RAVER2: variants seen among roughly 807,000 people sequenced by gnomAD.
RAVER2 encodes the protein ribonucleoprotein, PTB binding 2, also known as ribonucleoprotein PTB-binding 2.
A neutral mutation model predicts 78.1 loss-of-function variants in RAVER2; 46 were observed. The observed-to-expected ratio is 0.59, with a 90% CI of 0.46 to 0.75. The LOEUF (loss-of-function observed/expected upper bound fraction) is 0.75, where lower values mean the gene tolerates loss of function less well. Among genes scored for constraint, RAVER2 ranks in the 30% least tolerant of loss-of-function variants. The pLI, the probability that RAVER2 is intolerant of heterozygous loss-of-function variation, is 0.00. For missense variants in RAVER2, 793 were observed against 837.5 expected (o/e 0.95, Z 0.66); for synonymous variants, 311 against 313.3 (o/e 0.99, Z 0.08).
At chr1:64,827,677 C>T (rs926628993) in intron 11 of RAVER2, among the ~76,000 whole-genome samples, 2 of 152,228 alleles carry the variant, frequency 1.3e-5, no homozygotes, top group Non-Finnish European at 2.9e-5. Context: ...TCTAAATATA[C>T]CACTTTGTTC....
intron 11 of RAVER2, among the ~76,000 whole-genome samples, chr1:64,824,449 G>T (rs1371284190): frequency 3.9e-5 from 6 of 152,298 alleles, no homozygotes; most frequent in African/African-American, 1.4e-4. Flanking sequence ...TTTTTGTATG[G>T]ACCGTGATAG....
At chr1:64,818,332 C>T (rs949323344) in intron 11 of RAVER2, among the ~76,000 whole-genome samples, 1 of 152,040 alleles carries the variant, frequency 6.6e-6, no homozygotes, top group Non-Finnish European at 1.5e-5. Flanking sequence ...GTCAGGAGAT[C>T]GAGACCATCC....
chr1:64,750,103 A>C (rs920246435), intron 1 of RAVER2, among the ~76,000 whole-genome samples: 1 of 152,138 alleles, frequency 6.6e-6, no homozygotes, highest in Non-Finnish European at 1.5e-5. Context: ...GTCACTTTGG[A>C]TATTATAAAC....
At chr1:64,768,613 T>A (rs748532735) in intron 1 of RAVER2, 43 bp from the exon 2 acceptor site, 2 of 1,233,130 alleles carry the variant, frequency 1.6e-6, no homozygotes, top group South Asian at 2.5e-5. Context: ...ATCTAGTAAC[T>A]GCATTTGTAT....
intron 11 of RAVER2, among the ~76,000 whole-genome samples, chr1:64,828,413 T>C (rs1272869113): frequency 6.6e-6 from 1 of 152,150 alleles, no homozygotes; most frequent in Non-Finnish European, 1.5e-5. Flanking sequence ...AAATACAAAA[T>C]AGAAGGAAAA....
chr1:64,814,797 A>T, exon 11 of RAVER2: 1 of 1,588,938 alleles, frequency 6.3e-7, no homozygotes, highest in Non-Finnish European at 8.6e-7. Context: ...CACGCATTGG[A>T]AAAGTGCATT....
rs185002775 is a variant in RAVER2, at chr1:64,752,054, A to T, written c.249+6633A>T. On this transcript the variant is annotated intron_variant, in intron 1 of 11. Transcript: ENST00000294428. Reference sequence around the variant, plus strand: ...TACAGTACTGTATATTTTTTGGCTGATGATTATGGGCAGGATAGCCCTTGG... The same window carrying T: ...TACAGTACTGTATATTTTTTGGCTGTTGATTATGGGCAGGATAGCCCTTGG... 9.9e-5 allele frequency among the ~76,000 whole-genome samples: 15 copies of T among 152,234 alleles called. No individual in the cohort carries two copies. In the East Asian group the frequency reaches 2.9e-3, roughly 29 times the overall value.
intron 11 of RAVER2, among the ~76,000 whole-genome samples, chr1:64,826,612 T>G (rs187700119): frequency 5.9e-5 from 9 of 152,288 alleles, no homozygotes; most frequent in Non-Finnish European, 1.0e-4. Flanking sequence ...TTTTAGGCCC[T>G]TGTAAGGACT....
chr1:64,826,070 A>C (rs1653996971), intron 11 of RAVER2, among the ~76,000 whole-genome samples: 1 of 152,242 alleles, frequency 6.6e-6, no homozygotes, highest in Non-Finnish European at 1.5e-5. Flanking sequence ...ACCATGGCCC[A>C]TGACTATTTG....
rs375860179 is a variant in RAVER2 at position 64,767,916 on chromosome 1, G to GA, written c.250-731dup. 3.3e-5 allele frequency among the ~76,000 whole-genome samples: 5 copies of GA among 151,038 alleles called. No individual in the cohort carries two copies. The South Asian group carries it at 6.3e-4, about 19-fold the overall frequency. ...CAAGTGGATAGAGGTTGTGCTATCA[G>GA]AAAAAAAAAGTTTAGGCTATGTTAA... On this transcript the variant is annotated intron_variant, in intron 1 of 11. Transcript: ENST00000294428.
intron 1 of RAVER2, among the ~76,000 whole-genome samples, chr1:64,757,301 T>C (rs1570527816): frequency 6.6e-6 from 1 of 152,200 alleles, no homozygotes; most frequent in Non-Finnish European, 1.5e-5. Context: ...CAAATTGATA[T>C]GTTGAAGCCC....
intron 1 of RAVER2, among the ~76,000 whole-genome samples, chr1:64,764,397 C>T (rs998417583): frequency 6.7e-5 from 10 of 149,488 alleles, no homozygotes; most frequent in Non-Finnish European, 8.9e-5. Flanking sequence ...AAACAGCACA[C>T]AAAAATGAAC....
chr1:64,801,076 A>T (rs1036544347), intron 5 of RAVER2, among the ~76,000 whole-genome samples: 1 of 148,286 alleles, frequency 6.7e-6, no homozygotes, highest in Non-Finnish European at 1.5e-5. Context: ...TGTATATTTT[A>T]TATATATATA....
intron 11 of RAVER2, among the ~76,000 whole-genome samples, chr1:64,828,186 G>A (rs1654044320): frequency 8.6e-6 from 1 of 116,434 alleles, no homozygotes; most frequent in South Asian, 2.6e-4. Context: ...CATTTTCCTT[G>A]TCTGGAAAAA....
chr1:64,781,090 CA>C (rs998863279), intron 3 of RAVER2, among the ~76,000 whole-genome samples: 4 of 152,064 alleles, frequency 2.6e-5, no homozygotes, highest in Non-Finnish European at 5.9e-5. Flanking sequence ...TATAAATTAC[CA>C]GTTTATATAT....
intron 1 of RAVER2, among the ~76,000 whole-genome samples, chr1:64,749,601 T>A (rs1026836092): frequency 1.3e-5 from 2 of 152,224 alleles, no homozygotes; most frequent in Non-Finnish European, 2.9e-5. Context: ...TATAGTTATA[T>A]CTTTGTTTTG....
At chr1:64,777,602 A>T (rs759614786) in intron 2 of RAVER2, 21 bp from the exon 3 acceptor site, 1 of 1,566,176 alleles carries the variant, frequency 6.4e-7, no homozygotes, top group South Asian at 1.2e-5. Flanking sequence ...AAACTCTTTA[A>T]TTCATTTCGT....
chr1:64,757,230 GCC>G (rs1171859318), intron 1 of RAVER2, among the ~76,000 whole-genome samples: 3 of 152,174 alleles, frequency 2.0e-5, no homozygotes, highest in Non-Finnish European at 4.4e-5. Context: ...CTGTGCTCCA[GCC>G]CTAGAATCAG....
intron 2 of RAVER2, among the ~76,000 whole-genome samples, chr1:64,771,476 C>A (rs2100826395): frequency 6.6e-6 from 1 of 152,046 alleles, no homozygotes; most frequent in Admixed American, 6.6e-5. Context: ...ACCTACCCAA[C>A]AAAATGATGA....
Sources: allele counts gnomAD v4.1 joint callset (sites outside exome capture counted in the v4.1 genomes callset), GRCh38; gene constraint gnomAD v4.1.1; transcripts MANE v1.5; gene names NCBI Gene and HGNC (gene_info 2026-07-23, HGNC 2026-07-21).